The following ATP11B variants were observed in gnomAD, a reference collection of about 807,000 sequenced individuals.
The protein encoded by ATP11B is ATPase phospholipid transporting 11B (putative), also known as phospholipid-transporting ATPase IF.
A neutral mutation model predicts 157.8 loss-of-function variants in ATP11B; 81 were observed. The ratio of observed to expected loss-of-function variants is 0.51; its 90% CI spans 0.43 to 0.62. The LOEUF (loss-of-function observed/expected upper bound fraction) is 0.62, where lower values mean the gene tolerates loss of function less well. ATP11B is among the 20% of genes least tolerant of loss of function. The pLI, the probability that ATP11B is intolerant of heterozygous loss-of-function variation, is 0.00. For synonymous variants in ATP11B, 451 were observed against 469.4 expected (o/e 0.96, Z 0.51); for missense variants, 1,165 against 1,402.2 (o/e 0.83, Z 2.70).
chr3:182,833,576 C>T (rs1718316478), intron 4 of ATP11B: 1 of 152,060 alleles, frequency 6.6e-6, no homozygotes, highest in African/African-American at 2.4e-5. Flanking sequence ...CGATTCTCTC[C>T]CTTCGGCCTC....
chr3:182,883,489 C>A (rs1407386765), intron 21 of ATP11B, among the ~76,000 whole-genome samples: 3 of 151,658 alleles, frequency 2.0e-5, no homozygotes, highest in African/African-American at 7.3e-5. Flanking sequence ...AACTCCTGAC[C>A]TCAGGTAATC....
intron 1 of ATP11B, among the ~76,000 whole-genome samples, chr3:182,813,956 G>A (rs1312400229): frequency 6.6e-6 from 1 of 152,068 alleles, no homozygotes; most frequent in Non-Finnish European, 1.5e-5. Context: ...TGAACTCCTG[G>A]CCTAAGTGAT....
intron 21 of ATP11B, among the ~76,000 whole-genome samples, 181 bp downstream of exon 21, chr3:182,881,162 G>A (rs898652474): frequency 1.2e-4 from 18 of 152,214 alleles, no homozygotes; most frequent in Admixed American, 3.3e-4. Flanking sequence ...TAGGCCGGGC[G>A]TGGTGGCTCA....
intron 29 of ATP11B, chr3:182,916,055 T>C: frequency 1.0e-6 from 1 of 985,298 alleles, no homozygotes; most frequent in Non-Finnish European, 1.2e-6. Context: ...GGGGATAAAG[T>C]CATATAATAA....
chr3:182,847,516 A>G (rs1211214420), intron 9 of ATP11B, among the ~76,000 whole-genome samples: 1 of 152,086 alleles, frequency 6.6e-6, no homozygotes, highest in Non-Finnish European at 1.5e-5. Flanking sequence ...CATTCTGGCT[A>G]TTTTACCACG....
chr3:182,886,096 CT>C, intron 23 of ATP11B, 86 bp downstream of exon 23: 3 of 892,316 alleles, frequency 3.4e-6, no homozygotes, highest in Non-Finnish European at 4.8e-6. Context: ...TTTGAAGGGA[CT>C]TTTTTCATTT....
At chr3:182,793,960 C>G (rs1477878221) in intron 1 of ATP11B, among the ~76,000 whole-genome samples, 174 bp downstream of exon 1, 1 of 151,884 alleles carries the variant, frequency 6.6e-6, no homozygotes, top group Non-Finnish European at 1.5e-5. Flanking sequence ...GTGCGGCTCC[C>G]GGGCTCGTCT....
chr3:182,907,104 AAAAG>A (rs1454968108), intron 28 of ATP11B, among the ~76,000 whole-genome samples: 40 of 152,122 alleles, frequency 2.6e-4, no homozygotes, highest in African/African-American at 3.4e-4. Flanking sequence ...AAAAAAAAAA[AAAAG>A]AAAGAAAGAA....
chr3:182,830,030 T>C, intron 4 of ATP11B: 1 of 696,094 alleles, frequency 1.4e-6, no homozygotes, highest in Non-Finnish European at 1.8e-6. Flanking sequence ...ACCATTTATA[T>C]ATGAAATAGA....
chr3:182,889,547 A>G lies in ATP11B; in HGVS notation c.2981A>G (p.Gln994Arg). The change falls in exon 25 of 30, where the codon CAG (glutamine) becomes CGG (arginine). Residue 994 changes from glutamine to arginine, a missense_variant and splice_region_variant. Physicochemically the swap from Gln to Arg is conservative, Grantham distance 43 (BLOSUM62 1). Transcript: ENST00000323116. ...GKDTSLLGNG[Q>R]MFGNWTFGTL... ...GATACATCTCTGCTTGGAAATGGCC[A>G]GGTAAAGTATATAGTTTTTTTAAAG... The G allele has an allele frequency of 6.5e-7, 1 of 1,544,410 alleles. No individual in the cohort carries two copies. Among genetic ancestry groups the G allele is most frequent in the East Asian group, 2.5e-5 (1 of 40,624 alleles).
At chr3:182,872,642 A>G in intron 18 of ATP11B, 105 bp downstream of exon 18, 2 of 1,019,728 alleles carry the variant, frequency 2.0e-6, no homozygotes, top group Non-Finnish European at 2.8e-6. Context: ...ATCCCATGAT[A>G]TATTTAAGAT....
Position 182,920,083 on chromosome 3 carries a change from G to A in ATP11B, c.*1979G>A, listed in dbSNP as rs1188517781. Reference sequence around the variant, plus strand: ...AGGCCTGCATTACATTTACATGACCGTGTTTATTTGCCATCAAATAAACTG... The same window carrying A: ...AGGCCTGCATTACATTTACATGACCATGTTTATTTGCCATCAAATAAACTG... On this transcript the variant is annotated 3_prime_UTR_variant, in exon 30 of 30. Coordinates refer to ENST00000323116, the MANE Select transcript of ATP11B (RefSeq NM_014616.3). 6.6e-6 allele frequency: 1 copy of A among 151,998 alleles called. No homozygotes were observed. The allele number at this position is 151,998 out of a possible 1,614,324, so 9.4% of individuals were successfully genotyped here.
chr3:182,838,068 T>A (rs1357126905), intron 7 of ATP11B, among the ~76,000 whole-genome samples: 1 of 152,112 alleles, frequency 6.6e-6, no homozygotes, highest in African/African-American at 2.4e-5. Context: ...TCAAAGTCTT[T>A]AGCCGTTGGC....
At chr3:182,810,630 T>G (rs976471505) in intron 1 of ATP11B, among the ~76,000 whole-genome samples, 5 of 152,204 alleles carry the variant, frequency 3.3e-5, no homozygotes, top group African/African-American at 4.8e-5. Context: ...ACCTAGCATC[T>G]TTATTCTTTG....
chr3:182,870,044 G>A (rs1228434572), intron 17 of ATP11B, among the ~76,000 whole-genome samples: 1 of 152,142 alleles, frequency 6.6e-6, no homozygotes, highest in Admixed American at 6.5e-5. Flanking sequence ...GAAATATCCA[G>A]AATAGGCAAA....
chr3:182,887,803 C>G (rs1722899799), intron 24 of ATP11B, 90 bp downstream of exon 24: 2 of 1,342,364 alleles, frequency 1.5e-6, no homozygotes, highest in East Asian at 2.4e-5. Flanking sequence ...TAATGCTTTA[C>G]TAAGGAAAGT....
intron 19 of ATP11B, 146 bp downstream of exon 19, chr3:182,874,161 C>A: frequency 1.5e-6 from 1 of 650,150 alleles, no homozygotes; most frequent in Non-Finnish European, 2.6e-6. Context: ...AGATGAAATC[C>A]AAAGAAGAAG....
At chr3:182,880,023 T>C (rs967673561) in intron 20 of ATP11B, among the ~76,000 whole-genome samples, 5 of 152,244 alleles carry the variant, frequency 3.3e-5, no homozygotes, top group Non-Finnish European at 5.9e-5. Flanking sequence ...TCTCATGAAG[T>C]GATAATTCTT....
intron 2 of ATP11B, among the ~76,000 whole-genome samples, chr3:182,822,776 C>T (rs1471479205): frequency 1.3e-5 from 2 of 152,154 alleles, no homozygotes; most frequent in Non-Finnish European, 2.9e-5. Flanking sequence ...CTCTCCAGCA[C>T]CTGTTGTTTC....
Sources: gnomAD v4.1 joint callset for allele counts (sites outside exome capture counted in the v4.1 genomes callset) on GRCh38, gnomAD v4.1.1 for gene constraint, MANE v1.5 for transcripts, NCBI Gene and HGNC (gene_info 2026-07-23, HGNC 2026-07-21) for gene names.